Variants in ADGRV1 observed in about 807,000 individuals in gnomAD.
ADGRV1 encodes the protein adhesion G protein-coupled receptor V1.
ADGRV1 carries 359 observed loss-of-function variants against 596.2 expected under a neutral mutation model. That is an observed-to-expected ratio of 0.60 (90% CI 0.55 to 0.66). The LOEUF is 0.66. ADGRV1 is among the 30% of genes least tolerant of loss of function. The probability of loss-of-function intolerance (pLI) is 0.00; values close to 1 mark genes in which losing one functional copy is unlikely to be tolerated. For synonymous variants in ADGRV1, 2,681 were observed against 2,679.2 expected, an observed-to-expected ratio of 1.00 and a Z score of -0.02; for missense variants, 7,274 against 7,575.6, an observed-to-expected ratio of 0.96 and a Z score of 1.48.
chr5:90,834,683 C>A (rs889095632), intron 77 of ADGRV1, among the ~76,000 whole-genome samples: 1 of 151,736 alleles, frequency 6.6e-6, no homozygotes, highest in Admixed American at 6.6e-5. Context: ...ATACTGATAT[C>A]TTTCTCTACG....
intron 89 of ADGRV1, among the ~76,000 whole-genome samples, chr5:91,161,571 T>C (rs986721209): frequency 2.0e-5 from 3 of 149,636 alleles, no homozygotes; most frequent in Non-Finnish European, 4.4e-5. Context: ...AATGTATTAA[T>C]TGGTAAATTT....
chr5:90,789,719 C>A lies in ADGRV1; in HGVS notation c.13911C>A (p.Asp4637Glu). 1 of 1,554,292 alleles carries A rather than the reference C, an allele frequency of 6.4e-7. No homozygotes were observed. Among genetic ancestry groups the A allele is most frequent in the South Asian group, 1.2e-5 (1 of 83,626 alleles). The change falls in exon 69 of 90, where the codon GAC (aspartate) becomes GAA (glutamate). Residue 4637 changes from aspartate to glutamate, a missense_variant. Around this residue, in one of 5 missense-constraint regions of ADGRV1, gnomAD observed 3,643 missense variants for 3,809.2 expected, o/e 0.96. Coordinates refer to ENST00000405460, the MANE Select transcript of ADGRV1 (RefSeq NM_032119.4). ...TTTTTTAGATACAAGAGTTTGGTGA[C>A]CCAAATGGAGTTGTTCAGTTTGCTC... ...DVTLTIQEFG[D>E]PNGVVQFAPE... is the part of the protein sequence containing the mutation.
At chr5:90,771,886 T>G (rs919861911) in intron 59 of ADGRV1, among the ~76,000 whole-genome samples, 7 of 152,188 alleles carry the variant, frequency 4.6e-5, no homozygotes, top group African/African-American at 1.7e-4. Flanking sequence ...CTGAATTCCA[T>G]TTTGAATCTC....
intron 86 of ADGRV1, among the ~76,000 whole-genome samples, chr5:91,084,189 C>A (rs149241954): frequency 1.6e-4 from 24 of 152,138 alleles, no homozygotes; most frequent in Admixed American, 1.0e-3. Context: ...TTGAAAAATA[C>A]AATCTGGAAC....
chr5:90,812,378 G>T (rs1297833681), intron 74 of ADGRV1, among the ~76,000 whole-genome samples: 1 of 151,866 alleles, frequency 6.6e-6, no homozygotes, highest in African/African-American at 2.4e-5. Context: ...ATATTTAGAG[G>T]GTACAAGGAA....
intron 83 of ADGRV1, among the ~76,000 whole-genome samples, chr5:90,907,014 G>A (rs984260009): frequency 6.6e-6 from 1 of 152,096 alleles, no homozygotes; most frequent in African/African-American, 2.4e-5. Flanking sequence ...GATTTCCAGA[G>A]GATAGTACAC....
chr5:90,712,324 T>G lies in ADGRV1; in HGVS notation c.9080T>G (p.Val3027Gly). 6.4e-7 allele frequency: 1 copy of G among 1,557,228 alleles called. No individual in the cohort carries two copies. Among genetic ancestry groups the G allele is most frequent in the South Asian group, 1.2e-5 (1 of 84,360 alleles). ...HFADGERYKN[V>G]NIMILDDDIP... ...GCTGATGGAGAAAGGTATAAAAATG[T>G]CAATATCATGATTCTTGATGATGAC... The change falls in exon 42 of 90, where the codon GTC becomes GGC. Residue 3027 changes from valine to glycine, a missense_variant. Val to Gly is a moderately radical substitution (Grantham distance 109, BLOSUM62 -3). Transcript: ENST00000405460.
chr5:90,572,016 C>T (rs1173769828), intron 1 of ADGRV1, among the ~76,000 whole-genome samples: 2 of 152,094 alleles, frequency 1.3e-5, no homozygotes. Flanking sequence ...TTAGGAGGTC[C>T]TTACCCTGAC....
intron 31 of ADGRV1, among the ~76,000 whole-genome samples, chr5:90,691,318 T>C (rs1250272738): frequency 6.6e-6 from 1 of 151,626 alleles, no homozygotes; most frequent in African/African-American, 2.4e-5. Flanking sequence ...TAAATACATA[T>C]ATATATATGT....
chr5:90,595,298 G>A (rs1300116426), intron 1 of ADGRV1, among the ~76,000 whole-genome samples: 86 of 51,580 alleles, frequency 1.7e-3, no homozygotes, highest in African/African-American at 7.6e-3. Flanking sequence ...GGGCAGAGGC[G>A]CCCCTCACCT....
At position 90,810,411 on chromosome 5, in the gene ADGRV1, C is replaced by T; in HGVS notation, c.15151C>T (p.Pro5051Ser). The T allele has an allele frequency of 6.2e-7, 1 of 1,613,850 alleles. No homozygotes were observed. Among genetic ancestry groups the T allele is most frequent in the Non-Finnish European group, 8.5e-7 (1 of 1,179,810 alleles). ...TCAGACCACTGCAGGAAGCGCCAAG[C>T]CACTGGAAGATTTTGAGCCTGTTCA... ...SYQTTAGSAK[P>S]LEDFEPVQNG... The change falls in exon 74 of 90, where the codon CCA becomes TCA. Residue 5051 changes from proline (P) to serine (S), a missense_variant. Physicochemically the swap from Pro to Ser is moderately conservative, Grantham distance 74. Transcript: ENST00000405460.
intron 87 of ADGRV1, among the ~76,000 whole-genome samples, chr5:91,114,825 C>T (rs1273583133): frequency 6.6e-6 from 1 of 152,182 alleles, no homozygotes; most frequent in Non-Finnish European, 1.5e-5. Flanking sequence ...CATGCACAGG[C>T]AGCTTCAGAA....
At chr5:90,709,408 A>G (rs1235247337) in intron 39 of ADGRV1, among the ~76,000 whole-genome samples, 1 of 152,204 alleles carries the variant, frequency 6.6e-6, no homozygotes, top group African/African-American at 2.4e-5. Context: ...CCTTGGTACA[A>G]ACTTATCTAG....
intron 64 of ADGRV1, among the ~76,000 whole-genome samples, chr5:90,780,313 C>T (rs931288756): frequency 6.6e-6 from 1 of 152,150 alleles, no homozygotes; most frequent in African/African-American, 2.4e-5. Context: ...CAGCCCATCT[C>T]AGACTACTGG....
chr5:90,653,967 C>A lies in ADGRV1; in HGVS notation c.4378+15C>A. The A allele has an allele frequency of 6.4e-7, 1 of 1,552,300 alleles. No homozygotes were observed. ...CATTACTGACGGTGAGGGTCATCAT[C>A]ACAACTAGGACACTGAAATTTGCAG... is the stretch of plus-strand genomic sequence containing the variant. On this transcript the variant is annotated intron_variant, in intron 20 of 89. Coordinates refer to ENST00000405460, the MANE Select transcript of ADGRV1 (RefSeq NM_032119.4).
At chr5:90,771,985 G>T (rs1757742450) in intron 59 of ADGRV1, among the ~76,000 whole-genome samples, 1 of 151,978 alleles carries the variant, frequency 6.6e-6, no homozygotes, top group African/African-American at 2.4e-5. Flanking sequence ...CCATTGGCTG[G>T]GATTTTCCAC....
chr5:91,037,571 A>G (rs1248106855), intron 85 of ADGRV1, among the ~76,000 whole-genome samples: 2 of 152,232 alleles, frequency 1.3e-5, no homozygotes, highest in African/African-American at 2.4e-5. Flanking sequence ...AACAAGGTAT[A>G]TGTAATGTTT....
intron 83 of ADGRV1, among the ~76,000 whole-genome samples, chr5:90,955,899 A>G (rs1777433348): frequency 6.6e-6 from 1 of 152,178 alleles, no homozygotes; most frequent in Non-Finnish European, 1.5e-5. Flanking sequence ...AGAAACAGCT[A>G]GTGTCACTGC....
At chr5:90,745,922 C>T (rs1033267020) in intron 52 of ADGRV1, 127 bp downstream of exon 52, 1 of 608,510 alleles carries the variant, frequency 1.6e-6, no homozygotes, top group Non-Finnish European at 2.9e-6. Flanking sequence ...CTTCCCTTTC[C>T]CCTGCCTCCC....
Sources: allele counts gnomAD v4.1 joint callset (sites outside exome capture counted in the v4.1 genomes callset), GRCh38; gene constraint gnomAD v4.1.1; regional missense constraint gnomAD v4.1.1; transcripts MANE v1.5; gene names NCBI Gene and HGNC (gene_info 2026-07-23, HGNC 2026-07-21).